The following RBFOX3 variants were observed in gnomAD, a reference collection of about 807,000 sequenced individuals.
The protein encoded by RBFOX3 is RNA binding fox-1 homolog 3.
Under a neutral mutation model 48.7 loss-of-function variants are expected in RBFOX3, and 17 were observed. The ratio of observed to expected loss-of-function variants is 0.35; its 90% CI spans 0.24 to 0.52. The LOEUF is 0.52. RBFOX3 is among the 20% of genes least tolerant of loss of function. The pLI, the probability that RBFOX3 is intolerant of heterozygous loss-of-function variation, is 0.94. For synonymous variants in RBFOX3, 212 were observed against 209.5 expected (o/e 1.01, Z -0.10); for missense variants, 382 against 497.5 (o/e 0.77, Z 2.21).
At chr17:79,313,709 T>C (rs1196662225) in intron 2 of RBFOX3, among the ~76,000 whole-genome samples, 1 of 152,120 alleles carries the variant, frequency 6.6e-6, no homozygotes, top group Non-Finnish European at 1.5e-5. Flanking sequence ...CACCCCCAGA[T>C]CCTTGGGGGC....
At chr17:79,157,656 A>G (rs1308005123) in intron 4 of RBFOX3, among the ~76,000 whole-genome samples, 1 of 152,072 alleles carries the variant, frequency 6.6e-6, no homozygotes, top group Non-Finnish European at 1.5e-5. Flanking sequence ...GTCCCAGGAG[A>G]GCCAGCTCTG....
chr17:79,231,440 T>C (rs2061022891), intron 4 of RBFOX3, among the ~76,000 whole-genome samples: 2 of 152,122 alleles, frequency 1.3e-5, no homozygotes, highest in African/African-American at 4.8e-5. Flanking sequence ...CCTGCCTTAG[T>C]AGCAAGAACA....
At chr17:79,355,604 G>A (rs1329766025) in intron 2 of RBFOX3, among the ~76,000 whole-genome samples, 1 of 151,320 alleles carries the variant, frequency 6.6e-6, no homozygotes, top group Admixed American at 6.6e-5. Context: ...TTTCCGAAAC[G>A]GAGTCTTGCT....
intron 2 of RBFOX3, among the ~76,000 whole-genome samples, chr17:79,372,619 A>G (rs1425256794): frequency 2.0e-5 from 3 of 151,982 alleles, no homozygotes; most frequent in African/African-American, 7.3e-5. Context: ...TCCTGGCTGG[A>G]GGCTCTGGGA....
intron 2 of RBFOX3, among the ~76,000 whole-genome samples, chr17:79,393,541 A>G (rs2148248540): frequency 1.3e-5 from 2 of 152,338 alleles, no homozygotes; most frequent in Middle Eastern, 3.4e-3. Flanking sequence ...GCAATAGCAC[A>G]CTGGATGCTG....
chr17:79,164,880 C>T (rs751797764), intron 4 of RBFOX3, among the ~76,000 whole-genome samples: 9 of 152,198 alleles, frequency 5.9e-5, no homozygotes, highest in African/African-American at 2.4e-5. Flanking sequence ...CTTCCCTCGC[C>T]CCTCTTCTCC....
intron 2 of RBFOX3, among the ~76,000 whole-genome samples, chr17:79,333,271 G>A (rs964106375): frequency 2.0e-5 from 3 of 152,100 alleles, no homozygotes; most frequent in Non-Finnish European, 2.9e-5. Context: ...AGGTGTCCTC[G>A]CTTCCTGAAC....
intron 1 of RBFOX3, among the ~76,000 whole-genome samples, chr17:79,530,830 G>C (rs2087634711): frequency 6.6e-6 from 1 of 152,200 alleles, no homozygotes; most frequent in East Asian, 1.9e-4. Context: ...CTACTCCAAG[G>C]CCGTCTATAC....
At chr17:79,545,128 G>A (rs565706918) in intron 1 of RBFOX3, among the ~76,000 whole-genome samples, 2 of 152,282 alleles carry the variant, frequency 1.3e-5, no homozygotes, top group East Asian at 3.9e-4. Flanking sequence ...CATCTTCATT[G>A]CTGAGAGCAT....
At chr17:79,642,216 G>T in the RBFOX3 span, among the ~76,000 whole-genome samples, 1 of 152,288 alleles carries the variant, frequency 6.6e-6, no homozygotes, top group South Asian at 2.1e-4. Context: ...TGAAGGGTGG[G>T]AGGAAATGAG....
chr17:79,272,122 A>T (rs2067840936), intron 3 of RBFOX3, among the ~76,000 whole-genome samples: 1 of 152,216 alleles, frequency 6.6e-6, no homozygotes, highest in South Asian at 2.1e-4. Context: ...GGTTAACACC[A>T]GCTTTGGGGT....
At chr17:79,491,225 G>A (rs1303205476) in intron 1 of RBFOX3, among the ~76,000 whole-genome samples, 1 of 144,406 alleles carries the variant, frequency 6.9e-6, no homozygotes, top group African/African-American at 2.6e-5. Flanking sequence ...GACAGAAGGG[G>A]TAGGGGAAAT....
chr17:79,174,508 C>T (rs2050101384), intron 4 of RBFOX3, among the ~76,000 whole-genome samples: 1 of 151,564 alleles, frequency 6.6e-6, no homozygotes, highest in Non-Finnish European at 1.5e-5. Flanking sequence ...GTCCACAATG[C>T]ACTCTCACCG....
chr17:79,473,427 G>A lies in RBFOX3; in HGVS notation c.-175+9027C>T, dbSNP rs1028854275. On this transcript the variant is annotated intron_variant, in intron 2 of 14. Transcript: ENST00000693108. This position sits in a 1 kb window ranked among gnomAD's most constrained non-coding sequence, Gnocchi z 4.2. ...CGATGATTCATATATATTTTGGGAC[G>A]AGAACCTCGGGTAAGATAACCTGCT... 1.3e-5 allele frequency among the ~76,000 whole-genome samples: 2 copies of A among 152,228 alleles called. No individual in the cohort carries two copies. The highest frequency in any genetic ancestry group is 2.4e-5 in the African/African-American group (1 of 41,462).
At chr17:79,208,854 C>T (rs929299397) in intron 4 of RBFOX3, among the ~76,000 whole-genome samples, 6 of 151,798 alleles carry the variant, frequency 4.0e-5, no homozygotes, top group Admixed American at 2.0e-4. Flanking sequence ...CTCGCTCCGT[C>T]GCCCAGGCTG....
At chr17:79,097,168 G>T in intron 11 of RBFOX3, 124 bp downstream of exon 11, 1 of 846,186 alleles carries the variant, frequency 1.2e-6, no homozygotes, top group Non-Finnish European at 1.8e-6. Context: ...GGGCTCCCAC[G>T]ATCCTCCCCC....
chr17:79,486,002 C>T (rs2079534243), intron 1 of RBFOX3, among the ~76,000 whole-genome samples: 1 of 152,282 alleles, frequency 6.6e-6, no homozygotes, highest in African/African-American at 2.4e-5. Context: ...CCTATGGCCC[C>T]CTCCGCGTGC....
intron 4 of RBFOX3, among the ~76,000 whole-genome samples, chr17:79,132,175 G>A (rs576577966): frequency 1.3e-5 from 2 of 151,638 alleles, no homozygotes; most frequent in Non-Finnish European, 2.9e-5. Context: ...CAGCTCCCAG[G>A]GTGAGGGGGC....
At chr17:79,173,103 G>A (rs2049719321) in intron 4 of RBFOX3, among the ~76,000 whole-genome samples, 1 of 152,018 alleles carries the variant, frequency 6.6e-6, no homozygotes, top group Admixed American at 6.5e-5. Context: ...CCAGCTACTT[G>A]GGAGGCTGAG....
Sources: allele counts gnomAD v4.1 joint callset (sites outside exome capture counted in the v4.1 genomes callset), GRCh38; gene constraint gnomAD v4.1.1; non-coding constraint Gnocchi (gnomAD v3.1); transcripts MANE v1.5; gene names NCBI Gene and HGNC (gene_info 2026-07-23, HGNC 2026-07-21).